The following PASD1 variants were observed in gnomAD, a reference collection of about 807,000 sequenced individuals.
PASD1 encodes circadian clock protein PASD1.
In PASD1, 13 loss-of-function variants were observed where a neutral mutation model predicts 58.8. That is an observed-to-expected ratio of 0.22 (90% CI 0.14 to 0.35). PASD1 has a LOEUF of 0.35. Ranked by LOEUF, PASD1 falls within the 10% of genes least tolerant of loss-of-function variation. PASD1 has a pLI of 1.00. For missense variants in PASD1, 734 were observed against 568.3 expected, an observed-to-expected ratio of 1.29 and a Z score of -2.96; for synonymous variants, 236 against 216.7, an observed-to-expected ratio of 1.09 and a Z score of -0.78.
chrX:151,618,885 A>G (rs2013670473), intron 4 of PASD1, among the ~76,000 whole-genome samples: 1 of 111,458 alleles, frequency 9.0e-6, no homozygotes, highest in Non-Finnish European at 1.9e-5. Flanking sequence ...AATAGCAGCA[A>G]GGAACCAGAA....
chrX:151,653,911 T>C (rs2014199593), intron 9 of PASD1, among the ~76,000 whole-genome samples: 27 of 68,382 alleles, frequency 3.9e-4, no homozygotes, highest in African/African-American at 1.6e-3. Context: ...TCTTTCTTTC[T>C]TTCTTTCTTT....
Position 151,601,574 on chromosome X carries a change from G to C in PASD1, c.21G>C (p.Lys7Asn), listed in dbSNP as rs1021960458. Residue 7 changes from lysine (K) to asparagine (N), a missense_variant, in exon 2 of 16, where the codon AAG becomes AAC. Coordinates refer to ENST00000370357, the MANE Select transcript of PASD1 (RefSeq NM_173493.3). MKMRGE[K>N]RRDKVNPKSS... ...AATGAATGAAGATGAGAGGGGAAAAGAGAAGAGGTATGCATTCATAACTGA... is the reference window on the plus strand; with the variant it reads ...AATGAATGAAGATGAGAGGGGAAAACAGAAGAGGTATGCATTCATAACTGA... 2 of 1,209,571 alleles carry C rather than the reference G, an allele frequency of 1.7e-6. No homozygotes were observed. The highest frequency in any genetic ancestry group is 2.2e-6 in the Non-Finnish European group (2 of 894,596).
intron 10 of PASD1, among the ~76,000 whole-genome samples, 155 bp downstream of exon 10, chrX:151,659,991 G>C (rs974627708): frequency 1.8e-5 from 2 of 112,361 alleles, no homozygotes; most frequent in African/African-American, 6.5e-5. Context: ...TATTTGAGAT[G>C]ATGATTTGAG....
chrX:151,632,680 C>T (rs1602944560), intron 8 of PASD1, among the ~76,000 whole-genome samples: 1 of 111,963 alleles, frequency 8.9e-6, no homozygotes, highest in Non-Finnish European at 1.9e-5. Context: ...TCACCTTTGG[C>T]AAATACTGTG....
At chrX:151,578,487 A>C (rs2013043065) in intron 1 of PASD1, among the ~76,000 whole-genome samples, 1 of 112,418 alleles carries the variant, frequency 8.9e-6, no homozygotes, top group Non-Finnish European at 1.9e-5. Context: ...ACTGGTCATG[A>C]ATGCTTTTGT....
intron 11 of PASD1, among the ~76,000 whole-genome samples, chrX:151,665,902 G>GTT (rs749783832): frequency 2.1e-5 from 2 of 96,896 alleles, no homozygotes; most frequent in African/African-American, 7.4e-5. Context: ...GTGTGTGTGT[G>GTT]TTTTTTTTTT....
At chrX:151,650,239 A>G (rs1393621923) in intron 9 of PASD1, among the ~76,000 whole-genome samples, 1 of 111,488 alleles carries the variant, frequency 9.0e-6, no homozygotes, top group Non-Finnish European at 1.9e-5. Flanking sequence ...ATAAATATTT[A>G]CCCAGGGTTT....
chrX:151,636,030 A>G (rs892132793), intron 8 of PASD1, among the ~76,000 whole-genome samples: 1 of 111,682 alleles, frequency 9.0e-6, no homozygotes, highest in African/African-American at 3.3e-5. Context: ...AAATTTTTAA[A>G]GATATACAAT....
At chrX:151,570,924 G>A (rs1371409312) in intron 1 of PASD1, among the ~76,000 whole-genome samples, 2 of 112,035 alleles carry the variant, frequency 1.8e-5, no homozygotes, top group South Asian at 3.7e-4. Flanking sequence ...TACACTGCCA[G>A]GTTGGAGAAT....
At chrX:151,675,091 A>G (rs1215593461) in intron 15 of PASD1, among the ~76,000 whole-genome samples, 1 of 111,477 alleles carries the variant, frequency 9.0e-6, no homozygotes, top group Non-Finnish European at 1.9e-5. Context: ...TTTCACGCCT[A>G]TTTTTGAGGC....
intron 8 of PASD1, among the ~76,000 whole-genome samples, chrX:151,639,860 T>A (rs1223224228): frequency 8.9e-6 from 1 of 112,238 alleles, no homozygotes; most frequent in South Asian, 3.8e-4. Context: ...CATCTTGCCA[T>A]TGGAAACTAA....
At chrX:151,629,763 C>T (rs1248318869) in intron 8 of PASD1, among the ~76,000 whole-genome samples, 1 of 112,099 alleles carries the variant, frequency 8.9e-6, no homozygotes, top group Non-Finnish European at 1.9e-5. Flanking sequence ...ATGACTTAAA[C>T]ATATTCTTGC....
At chrX:151,632,595 C>G (rs1251705835) in intron 8 of PASD1, among the ~76,000 whole-genome samples, 2 of 111,631 alleles carry the variant, frequency 1.8e-5, no homozygotes, top group Admixed American at 1.9e-4. Flanking sequence ...TGTGGAGACT[C>G]AGTCAACACT....
chrX:151,595,445 G>A (rs1409799187), intron 1 of PASD1, among the ~76,000 whole-genome samples: 18 of 110,877 alleles, frequency 1.6e-4, no homozygotes, highest in African/African-American at 5.3e-4. Context: ...CAGGCCGGGC[G>A]CAGTGGCTTA....
At position 151,564,504 on chromosome X, in the gene PASD1, CACGGA is replaced by C. The variant is rs778464762; in HGVS notation, c.-28+666_-28+670del. On this transcript the variant is annotated intron_variant, in intron 1 of 15. Coordinates refer to ENST00000370357, the MANE Select transcript of PASD1 (RefSeq NM_173493.3). ...CAGGATGTGTATTTGGGCACACTTA[CACGGA>C]GAGCACAGAAGTTGTGGCTACCTTA... Among the ~76,000 whole-genome samples, 7 of 110,926 alleles carry C rather than the reference CACGGA, an allele frequency of 6.3e-5. No individual in the cohort carries two copies. In the East Asian group the frequency reaches 1.1e-3, roughly 18 times the overall value.
At chrX:151,571,307 T>A (rs1394504338) in intron 1 of PASD1, among the ~76,000 whole-genome samples, 3 of 111,663 alleles carry the variant, frequency 2.7e-5, no homozygotes, top group African/African-American at 9.8e-5. Flanking sequence ...TCTTTTCCAG[T>A]TCCTTTCTAG....
chrX:151,661,013 C>T (rs1426343058), intron 10 of PASD1, among the ~76,000 whole-genome samples: 3 of 110,835 alleles, frequency 2.7e-5, no homozygotes, highest in Non-Finnish European at 5.7e-5. Flanking sequence ...ATTAGCCGGG[C>T]GTGGTGGCAG....
At chrX:151,636,133 T>C (rs1483741920) in intron 8 of PASD1, among the ~76,000 whole-genome samples, 1 of 111,222 alleles carries the variant, frequency 9.0e-6, no homozygotes, top group Non-Finnish European at 1.9e-5. Context: ...CACTCTAGAT[T>C]AATTTTGCCT....
chrX:151,627,360 C>T (rs1296336937), intron 8 of PASD1, among the ~76,000 whole-genome samples: 1 of 109,102 alleles, frequency 9.2e-6, no homozygotes, highest in Non-Finnish European at 1.9e-5. Context: ...CCCCACTCCC[C>T]CCACCCCACA....
Sources: gnomAD v4.1 joint callset for allele counts (sites outside exome capture counted in the v4.1 genomes callset) on GRCh38, gnomAD v4.1.1 for gene constraint, MANE v1.5 for transcripts, NCBI Gene and HGNC (gene_info 2026-07-23, HGNC 2026-07-21) for gene names.